The following FGF12 variants were observed in gnomAD, a reference collection of about 807,000 sequenced individuals.
FGF12 encodes the protein fibroblast growth factor 12B.
FGF12 carries 14 observed loss-of-function variants against 23.6 expected under a neutral mutation model. That is an observed-to-expected ratio of 0.59 (90% CI 0.39 to 0.93). The LOEUF is 0.93. Among genes scored for constraint, FGF12 ranks in the 40% least tolerant of loss-of-function variants. The probability of loss-of-function intolerance (pLI) is 0.00; values close to 1 mark genes in which losing one functional copy is unlikely to be tolerated. For missense variants in FGF12, 175 were observed against 217.8 expected (o/e 0.80, Z 1.24); for synonymous variants, 62 against 77.3 (o/e 0.80, Z 1.04).
At chr3:192,662,430 A>G (rs745808800) in intron 2 of FGF12, among the ~76,000 whole-genome samples, 4 of 152,176 alleles carry the variant, frequency 2.6e-5, no homozygotes, top group Non-Finnish European at 4.4e-5. Context: ...TAGCCATCTC[A>G]TCAATTCAAC....
Position 192,282,138 on chromosome 3 carries a change from AATC to A in FGF12, c.228+53220_228+53222del, listed in dbSNP as rs111362999. ...TATTTTATTGGTAGGTTATATTTTCAATCTTCTAAATATTTCTGAACAATTGTC... is the reference window on the plus strand; with the variant it reads ...TATTTTATTGGTAGGTTATATTTTCATTCTAAATATTTCTGAACAATTGTC... On this transcript the variant is annotated intron_variant, in intron 4 of 5. Transcript: ENST00000445105. 7.1e-3 allele frequency among the ~76,000 whole-genome samples: 1,079 copies of A among 152,268 alleles called. 8 individuals carry two copies. Among genetic ancestry groups the A allele is most frequent in the African/African-American group, 0.025 (1,045 of 41,548 alleles).
At chr3:192,196,695 T>C in intron 4 of FGF12, among the ~76,000 whole-genome samples, 1 of 152,200 alleles carries the variant, frequency 6.6e-6, no homozygotes, top group East Asian at 1.9e-4. Context: ...ACTCTAAATG[T>C]GAACCATCAA....
At chr3:192,374,783 A>G (rs931088401) in intron 2 of FGF12, among the ~76,000 whole-genome samples, 4 of 152,170 alleles carry the variant, frequency 2.6e-5, no homozygotes, top group Non-Finnish European at 5.9e-5. Context: ...GGCTGTAAAG[A>G]TTTGAGCGCA....
intron 2 of FGF12, among the ~76,000 whole-genome samples, chr3:192,412,246 T>C (rs1426897688): frequency 1.3e-5 from 2 of 152,232 alleles, no homozygotes; most frequent in Non-Finnish European, 2.9e-5. Flanking sequence ...ATGTGTATTC[T>C]TTAGTCTTTG....
In FGF12 at chr3:192,143,221, T is replaced by TAAAAAAAAAAA. The variant is rs201536757; in HGVS notation, c.*777_*787dup. On this transcript the variant is annotated 3_prime_UTR_variant, in exon 6 of 6. Coordinates refer to ENST00000445105, the MANE Select transcript of FGF12 (RefSeq NM_004113.6). Reference sequence around the variant, plus strand: ...AACAGTAATGTTTTTGCTAAATTACTAAAAAAAAAAAAAAAAGAAAGAAAG... The same window carrying TAAAAAAAAAAA: ...AACAGTAATGTTTTTGCTAAATTACTAAAAAAAAAAAAAAAAAAAAAAAAAAAGAAAGAAAG... 2 of 99,256 alleles carry TAAAAAAAAAAA rather than the reference T, an allele frequency of 2.0e-5. No homozygotes were observed. Among genetic ancestry groups the TAAAAAAAAAAA allele is most frequent in the Non-Finnish European group, 4.3e-5 (2 of 46,580 alleles). The allele number at this position is 99,256 out of a possible 1,614,324, so 6.1% of individuals were successfully genotyped here.
chr3:192,391,091 C>A (rs1720274095), intron 2 of FGF12, among the ~76,000 whole-genome samples: 1 of 152,026 alleles, frequency 6.6e-6, no homozygotes, highest in South Asian at 2.1e-4. Flanking sequence ...AAGGAGAAAC[C>A]ATAGCCGAGC....
At chr3:192,363,239 TAA>T (rs149421896) in intron 2 of FGF12, among the ~76,000 whole-genome samples, 44,836 of 145,534 alleles carry the variant, frequency 0.31, 8,085 homozygotes, top group East Asian at 0.61. Flanking sequence ...AAAGTATAAT[TAA>T]AAAAAAAAAA....
At chr3:192,649,335 C>A (rs1186523313) in intron 2 of FGF12, among the ~76,000 whole-genome samples, 1 of 152,052 alleles carries the variant, frequency 6.6e-6, no homozygotes, top group Non-Finnish European at 1.5e-5. Flanking sequence ...ATTCAATGGG[C>A]GGAAAGAGCT....
chr3:192,373,856 T>G (rs1486356351), intron 2 of FGF12, among the ~76,000 whole-genome samples: 1 of 152,172 alleles, frequency 6.6e-6, no homozygotes, highest in Admixed American at 6.5e-5. Context: ...GTAGACATGA[T>G]CAAAAGCCTA....
intron 4 of FGF12, among the ~76,000 whole-genome samples, chr3:192,333,135 A>G (rs1717211764): frequency 6.6e-6 from 1 of 152,068 alleles, no homozygotes. Context: ...GCTTCAGAGG[A>G]TGAAACCACA....
chr3:192,192,473 TATATA>T (rs921555020), intron 4 of FGF12, among the ~76,000 whole-genome samples: 4 of 147,888 alleles, frequency 2.7e-5, no homozygotes, highest in African/African-American at 7.3e-5. Flanking sequence ...ATATAATAAA[TATATA>T]ATATAAATAT....
intron 2 of FGF12, among the ~76,000 whole-genome samples, chr3:192,548,968 A>C (rs961720311): frequency 2.0e-5 from 3 of 152,318 alleles, no homozygotes; most frequent in Admixed American, 6.5e-5. Flanking sequence ...CATCAAAAAA[A>C]GTCTTTCATA....
intron 4 of FGF12, among the ~76,000 whole-genome samples, chr3:192,248,492 TA>T (rs1334009172): frequency 6.6e-6 from 1 of 152,228 alleles, no homozygotes; most frequent in Non-Finnish European, 1.5e-5. Flanking sequence ...TTCAGACAGT[TA>T]AGATTCTTGG....
intron 4 of FGF12, among the ~76,000 whole-genome samples, chr3:192,282,334 G>C (rs1453249034): frequency 6.6e-6 from 1 of 152,084 alleles, no homozygotes; most frequent in African/African-American, 2.4e-5. Context: ...GGATGACAAA[G>C]AAGAGAATGC....
chr3:192,195,787 C>A lies in FGF12; in HGVS notation c.229-25131G>T, dbSNP rs1368454466. Among the ~76,000 whole-genome samples the A allele has an allele frequency of 4.6e-5, 7 of 152,090 alleles. No homozygotes were observed. The South Asian group carries it at 1.5e-3, about 32-fold the overall frequency. ...ATGTGTGTATACACACACACACGCA[C>A]ACACACACACATTGTGAAATGGTTA... On this transcript the variant is annotated intron_variant, in intron 4 of 5. Coordinates refer to ENST00000445105, the MANE Select transcript of FGF12 (RefSeq NM_004113.6).
intron 2 of FGF12, among the ~76,000 whole-genome samples, chr3:192,714,141 T>A (rs79293141): frequency 0.058 from 8,738 of 151,470 alleles, 459 homozygotes; most frequent in East Asian, 0.19. Flanking sequence ...AACAACTCTA[T>A]AAATAGCTAC....
At chr3:192,624,314 A>G (rs1038022363) in intron 2 of FGF12, among the ~76,000 whole-genome samples, 1 of 152,206 alleles carries the variant, frequency 6.6e-6, no homozygotes, top group Non-Finnish European at 1.5e-5. Flanking sequence ...CATAGGAAAA[A>G]CATAATTTAG....
intron 2 of FGF12, among the ~76,000 whole-genome samples, chr3:192,499,441 T>G (rs1239714930): frequency 7.1e-6 from 1 of 139,960 alleles, no homozygotes; most frequent in Non-Finnish European, 1.5e-5. Flanking sequence ...CTCAATTTAT[T>G]AATCTGCCAA....
intron 2 of FGF12, among the ~76,000 whole-genome samples, chr3:192,483,833 C>G (rs185295437): frequency 6.6e-6 from 1 of 152,126 alleles, no homozygotes; most frequent in Non-Finnish European, 1.5e-5. Context: ...AGTAACCCAT[C>G]TAACAATCAC....
Sources: allele counts gnomAD v4.1 joint callset (sites outside exome capture counted in the v4.1 genomes callset), GRCh38; gene constraint gnomAD v4.1.1; transcripts MANE v1.5; gene names NCBI Gene and HGNC (gene_info 2026-07-23, HGNC 2026-07-21).